The following LSM6 variants were observed in gnomAD, a reference collection of about 807,000 sequenced individuals.
The protein encoded by LSM6 is U6 snRNA-associated Sm-like protein LSm6.
LSM6 carries 2 observed loss-of-function variants against 13.5 expected under a neutral mutation model. The ratio of observed to expected loss-of-function variants is 0.15; its 90% CI spans 0.06 to 0.47. LSM6 has a LOEUF of 0.47. Among genes scored for constraint, LSM6 ranks in the 20% least tolerant of loss-of-function variants. The probability of loss-of-function intolerance (pLI) is 0.97; values close to 1 mark genes in which losing one functional copy is unlikely to be tolerated. For synonymous variants in LSM6, 43 were observed against 34.9 expected, an observed-to-expected ratio of 1.23 and a Z score of -0.82; for missense variants, 58 against 96.4, an observed-to-expected ratio of 0.60 and a Z score of 1.67.
At chr4:146,186,618 A>T (rs1001157993) in intron 2 of LSM6, among the ~76,000 whole-genome samples, 2 of 152,290 alleles carry the variant, frequency 1.3e-5, no homozygotes, top group East Asian at 3.9e-4. Context: ...ATTAGTTTTG[A>T]TTGGAAAATA....
intron 1 of LSM6, among the ~76,000 whole-genome samples, chr4:146,178,716 T>G (rs1279862794): frequency 6.6e-6 from 1 of 152,258 alleles, no homozygotes; most frequent in Non-Finnish European, 1.5e-5. Flanking sequence ...TTTCTTTGCA[T>G]CTGTCCATTG....
chr4:146,187,031 G>A (rs1213060469), intron 2 of LSM6, among the ~76,000 whole-genome samples: 1 of 152,160 alleles, frequency 6.6e-6, no homozygotes, highest in Non-Finnish European at 1.5e-5. Context: ...CGTACCATGA[G>A]GGAAGTGACA....
At chr4:146,179,976 G>A (rs1292254604) in intron 1 of LSM6, among the ~76,000 whole-genome samples, 1 of 152,194 alleles carries the variant, frequency 6.6e-6, no homozygotes, top group African/African-American at 2.4e-5. Context: ...TCAACTCTGT[G>A]CTCCCTGTGA....
intron 3 of LSM6, among the ~76,000 whole-genome samples, chr4:146,188,087 C>A (rs779598618): frequency 9.9e-5 from 15 of 152,088 alleles, no homozygotes; most frequent in Non-Finnish European, 1.5e-4. Flanking sequence ...GTCTTCAACC[C>A]CCTAAATAGT....
intron 2 of LSM6, among the ~76,000 whole-genome samples, chr4:146,185,066 T>C (rs1273010054): frequency 6.6e-6 from 1 of 152,194 alleles, no homozygotes; most frequent in East Asian, 1.9e-4. Context: ...TTCCTATTAA[T>C]GGACATTTAG....
intron 2 of LSM6, among the ~76,000 whole-genome samples, chr4:146,185,428 T>C (rs1730323603): frequency 6.6e-6 from 1 of 151,332 alleles, no homozygotes; most frequent in African/African-American, 2.4e-5. Flanking sequence ...TTTATACTAT[T>C]AGATAGCCTT....
rs11100918 is a variant in LSM6, at chr4:146,191,343, G to A, written c.*1687G>A. 0.92 allele frequency: 140,274 copies of A among 152,282 alleles called. 64,731 individuals are homozygous for A. Among genetic ancestry groups the A allele is most frequent in the East Asian group, 1 (5,184 of 5,186 alleles). 9.4% of individuals were successfully genotyped at this position (152,282 alleles called of 1,614,324 possible). On this transcript the variant is annotated 3_prime_UTR_variant, in exon 4 of 4. Transcript: ENST00000296581. ...TTGTAGTCTCCCACTAATCTGTAGC[G>A]TCCTGTTTTTTCTAACTTCTTCCCT...
At chr4:146,189,447 G>A (rs1389385171) in intron 3 of LSM6, among the ~76,000 whole-genome samples, 175 bp from the exon 4 acceptor site, 1 of 152,188 alleles carries the variant, frequency 6.6e-6, no homozygotes, top group Non-Finnish European at 1.5e-5. Context: ...TCAAACCTGG[G>A]TGTAGATTCA....
chr4:146,186,552 A>T (rs949131360), intron 2 of LSM6, among the ~76,000 whole-genome samples: 1 of 152,196 alleles, frequency 6.6e-6, no homozygotes, highest in Non-Finnish European at 1.5e-5. Flanking sequence ...ACAATTAAAG[A>T]TTGACTCAAA....
intron 2 of LSM6, among the ~76,000 whole-genome samples, chr4:146,186,732 C>T (rs1214251917): frequency 1.3e-5 from 2 of 152,154 alleles, no homozygotes; most frequent in Non-Finnish European, 2.9e-5. Context: ...GATGTTCTTT[C>T]GGGAGCACCT....
intron 3 of LSM6, among the ~76,000 whole-genome samples, chr4:146,188,929 T>C (rs1730406180): frequency 6.6e-6 from 1 of 152,130 alleles, no homozygotes; most frequent in African/African-American, 2.4e-5. Flanking sequence ...ATGTTGTTTA[T>C]TCTTAATTTG....
intron 1 of LSM6, among the ~76,000 whole-genome samples, chr4:146,182,183 A>G (rs1356387782): frequency 6.6e-6 from 1 of 152,208 alleles, no homozygotes; most frequent in African/African-American, 2.4e-5. Context: ...TAAAATGAGG[A>G]TAAAAACAAT....
intron 1 of LSM6, among the ~76,000 whole-genome samples, chr4:146,178,090 A>G (rs971071940): frequency 6.6e-6 from 1 of 152,190 alleles, no homozygotes; most frequent in Non-Finnish European, 1.5e-5. Context: ...GTATTTGTTG[A>G]AGTACATGCA....
chr4:146,184,144 C>T (rs1481084200), intron 2 of LSM6, among the ~76,000 whole-genome samples: 1 of 94,340 alleles, frequency 1.1e-5, no homozygotes, highest in Non-Finnish European at 3.0e-5. Flanking sequence ...TGCGTGAAGA[C>T]TTTTTTTTAA....
chr4:146,188,967 T>G (rs1188770932), intron 3 of LSM6, among the ~76,000 whole-genome samples: 2 of 151,698 alleles, frequency 1.3e-5, no homozygotes, highest in Non-Finnish European at 2.9e-5. Context: ...ATTTACTGAT[T>G]TACTTTCTGA....
intron 2 of LSM6, among the ~76,000 whole-genome samples, chr4:146,184,065 G>A (rs80267090): frequency 1.3e-5 from 2 of 152,014 alleles, no homozygotes; most frequent in Non-Finnish European, 2.9e-5. Flanking sequence ...TCTGGTGAGG[G>A]CTACGTCCTC....
intron 2 of LSM6, among the ~76,000 whole-genome samples, chr4:146,185,031 G>C (rs1368622963): frequency 6.6e-6 from 1 of 151,926 alleles, no homozygotes; most frequent in Non-Finnish European, 1.5e-5. Flanking sequence ...GCTGTACCAT[G>C]GTTTTGCTTT....
chr4:146,189,623 G>A lies in LSM6; in HGVS notation c.210G>A (p.Val70=). The A allele has an allele frequency of 6.3e-7, 1 of 1,591,110 alleles. No homozygotes were observed. The highest frequency in any genetic ancestry group is 8.6e-7 in the Non-Finnish European group (1 of 1,165,024). ...YGDAFIRGNN[V]LYISTQKRRM is the part of the protein sequence containing the mutation. ...ATTTATGTATTTTTTTCTTTTCAGT[G>A]TTGTACATCAGTACACAGAAGAGAC... is the stretch of plus-strand genomic sequence containing the variant. The change falls in exon 4 of 4, where the codon GTG becomes GTA. Residue 70 remains valine, a splice_region_variant and synonymous_variant. Coordinates refer to ENST00000296581, the MANE Select transcript of LSM6 (RefSeq NM_007080.3).
chr4:146,182,022 CCTAATAGAGTAATTAAAAAT>C (rs1330896410), intron 1 of LSM6, among the ~76,000 whole-genome samples: 8 of 152,038 alleles, frequency 5.3e-5, no homozygotes, highest in African/African-American at 1.9e-4. Context: ...CTGCTATAGT[CCTAATAGAGTAATTAAAAAT>C]CTTTGACTGT....
Sources: allele counts gnomAD v4.1 joint callset (sites outside exome capture counted in the v4.1 genomes callset), GRCh38; gene constraint gnomAD v4.1.1; transcripts MANE v1.5; gene names NCBI Gene and HGNC (gene_info 2026-07-23, HGNC 2026-07-21).